The following ERC2 variants were observed in gnomAD, a reference collection of about 807,000 sequenced individuals.
The protein encoded by ERC2 is ELKS/RAB6-interacting/CAST family member 2, also known as ERC protein 2.
A neutral mutation model predicts 114.8 loss-of-function variants in ERC2; 42 were observed. The observed-to-expected ratio is 0.37, with a 90% confidence interval of 0.29 to 0.47. The LOEUF (loss-of-function observed/expected upper bound fraction) is 0.47. Ranked by LOEUF, ERC2 falls within the 20% of genes least tolerant of loss-of-function variation. The probability of loss-of-function intolerance (pLI) is 0.99; values close to 1 mark genes in which losing one functional copy is unlikely to be tolerated. For missense variants in ERC2, 939 were observed against 1,150.7 expected, an observed-to-expected ratio of 0.82 and a Z score of 2.66; for synonymous variants, 454 against 425.5, an observed-to-expected ratio of 1.07 and a Z score of -0.82.
intron 14 of ERC2, among the ~76,000 whole-genome samples, chr3:55,755,415 T>C (rs952760285): frequency 4.6e-5 from 7 of 152,076 alleles, no homozygotes; most frequent in Non-Finnish European, 8.8e-5. Context: ...AATCACAAAT[T>C]AAGAGCACTT....
chr3:55,984,682 G>A (rs1435985567), intron 12 of ERC2, among the ~76,000 whole-genome samples: 2 of 152,140 alleles, frequency 1.3e-5, no homozygotes, highest in Non-Finnish European at 2.9e-5. Context: ...TTAAATTTGA[G>A]AATAAGAGCA....
intron 3 of ERC2, among the ~76,000 whole-genome samples, chr3:56,264,301 A>T (rs2053144557): frequency 6.6e-6 from 1 of 152,198 alleles, no homozygotes; most frequent in Non-Finnish European, 1.5e-5. Context: ...AGTACTAGCA[A>T]GATCAATAAG....
chr3:55,561,093 A>G (rs1373905369), intron 17 of ERC2, among the ~76,000 whole-genome samples: 1 of 152,044 alleles, frequency 6.6e-6, no homozygotes, highest in Non-Finnish European at 1.5e-5. Flanking sequence ...TTCAGGCAGA[A>G]GCTTTAGATG....
At chr3:55,938,111 T>C (rs528562123) in intron 13 of ERC2, among the ~76,000 whole-genome samples, 1 of 150,014 alleles carries the variant, frequency 6.7e-6, no homozygotes, top group South Asian at 2.1e-4. Context: ...GTCTGTCCAT[T>C]AGACAGGGCA....
chr3:56,342,517 A>T (rs2058127738), intron 2 of ERC2, among the ~76,000 whole-genome samples: 1 of 152,204 alleles, frequency 6.6e-6, no homozygotes, highest in Non-Finnish European at 1.5e-5. Context: ...CAGACTTCTG[A>T]AGAACCCATG....
At chr3:55,612,887 T>G (rs774448305) in intron 17 of ERC2, 10 of 152,216 alleles carry the variant, frequency 6.6e-5, no homozygotes, top group Non-Finnish European at 1.3e-4. Context: ...GTTCTAGAGT[T>G]GAAAAGAAAG....
chr3:56,321,103 G>A (rs546538192), intron 2 of ERC2, among the ~76,000 whole-genome samples: 26 of 152,218 alleles, frequency 1.7e-4, no homozygotes, highest in African/African-American at 6.0e-4. Context: ...ACACAAAAGC[G>A]TAATCCCACC....
chr3:55,711,823 A>G (rs2063792208), intron 15 of ERC2, among the ~76,000 whole-genome samples: 1 of 152,226 alleles, frequency 6.6e-6, no homozygotes, highest in Non-Finnish European at 1.5e-5. Context: ...ATGCTTAAAC[A>G]TATCATAGCT....
chr3:56,059,252 G>A (rs192856392), intron 7 of ERC2, among the ~76,000 whole-genome samples: 10 of 152,018 alleles, frequency 6.6e-5, no homozygotes, highest in South Asian at 2.1e-4. Flanking sequence ...CAACATGCCC[G>A]GCTAATTTTT....
At chr3:56,233,981 C>T (rs2050787756) in intron 3 of ERC2, among the ~76,000 whole-genome samples, 1 of 152,132 alleles carries the variant, frequency 6.6e-6, no homozygotes, top group South Asian at 2.1e-4. Context: ...TTTAATTAAA[C>T]CACACCCACA....
Position 56,047,206 on chromosome 3 carries a change from C to T in ERC2, c.1642-28175G>A, listed in dbSNP as rs571999777. On this transcript the variant is annotated intron_variant, in intron 7 of 17. Transcript: ENST00000288221. ...GTTCTTTTATTGTCCAAGGCAGCTTCTCCACATGTAATTTTGGAATCTCAC... is the reference window on the plus strand; with the variant it reads ...GTTCTTTTATTGTCCAAGGCAGCTTTTCCACATGTAATTTTGGAATCTCAC... 9.8e-5 allele frequency among the ~76,000 whole-genome samples: 15 copies of T among 152,354 alleles called. No homozygotes were observed. In the South Asian group the frequency reaches 2.9e-3, roughly 29 times the overall value.
At chr3:55,561,730 T>G (rs2056035984) in intron 17 of ERC2, among the ~76,000 whole-genome samples, 1 of 152,090 alleles carries the variant, frequency 6.6e-6, no homozygotes, top group African/African-American at 2.4e-5. Context: ...CCCAATTTAC[T>G]CTGGGAAACT....
At chr3:56,401,895 G>A (rs2060534060) in intron 2 of ERC2, among the ~76,000 whole-genome samples, 1 of 152,178 alleles carries the variant, frequency 6.6e-6, no homozygotes, top group South Asian at 2.1e-4. Context: ...ATAAAGGAAA[G>A]AGGTTTAATT....
intron 2 of ERC2, among the ~76,000 whole-genome samples, chr3:56,313,443 T>TA (rs2056717280): frequency 6.6e-6 from 1 of 152,162 alleles, no homozygotes; most frequent in Admixed American, 6.5e-5. Flanking sequence ...AGCAAATATT[T>TA]TTTCCAAGAA....
intron 12 of ERC2, among the ~76,000 whole-genome samples, chr3:55,973,924 G>A (rs952829520): frequency 9.2e-5 from 14 of 152,126 alleles, no homozygotes; most frequent in Admixed American, 9.2e-4. Context: ...GGGAAGTTTA[G>A]TTAGTCACTT....
chr3:55,642,628 C>T (rs2060235410), intron 17 of ERC2, among the ~76,000 whole-genome samples: 1 of 152,134 alleles, frequency 6.6e-6, no homozygotes, highest in Admixed American at 6.5e-5. Context: ...TGTGCCCAAC[C>T]AGATCGCAGC....
intron 12 of ERC2, among the ~76,000 whole-genome samples, chr3:55,970,533 T>C (rs570776254): frequency 1.3e-5 from 2 of 152,082 alleles, no homozygotes; most frequent in Non-Finnish European, 2.9e-5. Flanking sequence ...GCACAGAATT[T>C]GAATAGACAT....
intron 17 of ERC2, among the ~76,000 whole-genome samples, chr3:55,549,917 C>T (rs1488311826): frequency 7.4e-6 from 1 of 134,562 alleles, no homozygotes; most frequent in African/African-American, 2.8e-5. Context: ...CAACCCCCCT[C>T]CCCGACACAC....
At chr3:55,998,422 G>A (rs1357187446) in intron 10 of ERC2, among the ~76,000 whole-genome samples, 2 of 152,086 alleles carry the variant, frequency 1.3e-5, no homozygotes, top group African/African-American at 4.8e-5. Flanking sequence ...AAAACATGTA[G>A]CTTCAAATGT....
Sources: allele counts gnomAD v4.1 joint callset (sites outside exome capture counted in the v4.1 genomes callset), GRCh38; gene constraint gnomAD v4.1.1; transcripts MANE v1.5; gene names NCBI Gene and HGNC (gene_info 2026-07-23, HGNC 2026-07-21).